Variants in CPEB2 observed in about 807,000 individuals in gnomAD.
CPEB2 encodes the protein cytoplasmic polyadenylation element binding protein 2, also known as cytoplasmic polyadenylation element-binding protein 2.
CPEB2 carries 56 observed loss-of-function variants against 93.6 expected under a neutral mutation model. The observed-to-expected ratio is 0.60, with a 90% CI of 0.48 to 0.75. The LOEUF (loss-of-function observed/expected upper bound fraction) is 0.75. CPEB2 is among the 30% of genes least tolerant of loss of function. CPEB2 has a pLI of 0.00. For synonymous variants in CPEB2, 764 were observed against 586.3 expected, an observed-to-expected ratio of 1.30 and a Z score of -4.38; for missense variants, 1,579 against 1,395.1, an observed-to-expected ratio of 1.13 and a Z score of -2.10.
At chr4:15,005,851 C>T (rs1013012316) in intron 1 of CPEB2, among the ~76,000 whole-genome samples, 1 of 152,112 alleles carries the variant, frequency 6.6e-6, no homozygotes, top group Non-Finnish European at 1.5e-5. Flanking sequence ...TTTTATAACC[C>T]TCAGCAACTG....
At chr4:15,032,852 G>C (rs75055096) in intron 4 of CPEB2, among the ~76,000 whole-genome samples, 7,964 of 152,052 alleles carry the variant, frequency 0.052, 235 homozygotes, top group Non-Finnish European at 0.07. Context: ...TGCAAGACTA[G>C]GATATGATAG....
chr4:15,004,682 G>A (rs1245512914), intron 1 of CPEB2, among the ~76,000 whole-genome samples: 1 of 151,784 alleles, frequency 6.6e-6, no homozygotes, highest in Non-Finnish European at 1.5e-5. Flanking sequence ...GGCCGGGCGC[G>A]GCGTCTCAAC....
chr4:15,039,466 C>A (rs1055720468), intron 5 of CPEB2, among the ~76,000 whole-genome samples: 5 of 151,942 alleles, frequency 3.3e-5, no homozygotes, highest in African/African-American at 4.8e-5. Context: ...TGAATTTTTT[C>A]CAGGCCTAAA....
intron 4 of CPEB2, 141 bp downstream of exon 4, chr4:15,017,419 G>A (rs1560222228): frequency 2.1e-6 from 1 of 467,518 alleles, no homozygotes; most frequent in African/African-American, 2.0e-5. Flanking sequence ...GAGAATCTTT[G>A]TTTTTATGAA....
At chr4:15,054,075 T>G in intron 7 of CPEB2, 53 bp from the exon 8 acceptor site, 5 of 1,242,610 alleles carry the variant, frequency 4.0e-6, no homozygotes, top group Non-Finnish European at 5.8e-6. Context: ...CAGAATTTCT[T>G]AGAACGAATC....
chr4:15,044,364 T>G (rs1727462228), intron 6 of CPEB2, among the ~76,000 whole-genome samples: 2 of 152,284 alleles, frequency 1.3e-5, no homozygotes, highest in South Asian at 2.1e-4. Context: ...AGAAAAAAAT[T>G]TGCTGACCTC....
chr4:15,004,185 C>T lies in CPEB2; in HGVS notation c.1512C>T (p.Ala504=), dbSNP rs1722453133. ...CTGTGCCCCCTCCGCCGCCGCCCGCCATGAATATACCTCAACAGCAGCCCC... is the reference window on the plus strand; with the variant it reads ...CTGTGCCCCCTCCGCCGCCGCCCGCTATGAATATACCTCAACAGCAGCCCC... ...ATAVPPPPPP[A]MNIPQQQPPP... is the part of the protein sequence containing the mutation. The change falls in exon 1 of 12, where the codon GCC becomes GCT. Residue 504 remains alanine, a synonymous_variant. Transcript: ENST00000538197. The T allele has an allele frequency of 1.4e-6, 2 of 1,472,714 alleles. No homozygotes were observed. The highest frequency in any genetic ancestry group is 8.9e-7 in the Non-Finnish European group (1 of 1,119,812). The allele number at this position is 1,472,714 out of a possible 1,614,324, so 91.2% of individuals were successfully genotyped here.
chr4:15,043,904 C>T (rs894551336), intron 6 of CPEB2, among the ~76,000 whole-genome samples: 1 of 152,066 alleles, frequency 6.6e-6, no homozygotes, highest in East Asian at 1.9e-4. Flanking sequence ...AGTGTATAGT[C>T]ATTCAGACTT....
At chr4:15,022,302 C>T (rs1724902092) in intron 4 of CPEB2, among the ~76,000 whole-genome samples, 1 of 152,132 alleles carries the variant, frequency 6.6e-6, no homozygotes, top group African/African-American at 2.4e-5. Context: ...CAATAATATA[C>T]ATGCCAAAGC....
chr4:15,025,801 T>C (rs1026803745), intron 4 of CPEB2, among the ~76,000 whole-genome samples: 1 of 2,260 alleles, frequency 4.4e-4, no homozygotes, highest in African/African-American at 4.8e-4. Context: ...GCATTCCCCA[T>C]GTATACACGG....
chr4:15,003,462 G>A lies in CPEB2; in HGVS notation c.789G>A (p.Gln263=), dbSNP rs550632195. The change falls in exon 1 of 12, where the codon CAG becomes CAA. Residue 263 remains glutamine, a synonymous_variant. Coordinates refer to ENST00000538197, the MANE Select transcript of CPEB2 (RefSeq NM_001177382.2). ...QRPADLPPLP[Q]LPPSPPAAPR... ...CGGCAGACCTGCCCCCGCTCCCGCA[G>A]CTCCCTCCCTCGCCGCCTGCAGCCC... 41 of 1,384,170 alleles carry A rather than the reference G, an allele frequency of 3.0e-5. No individual in the cohort carries two copies. In the African/African-American group the frequency reaches 6.2e-4, roughly 21 times the overall value. The allele number at this position is 1,384,170 out of a possible 1,614,324, so 85.7% of individuals were successfully genotyped here.
In CPEB2 at chr4:15,003,252, G is replaced by C; in HGVS notation, c.579G>C (p.Ser193=). ...CCCACCTTCCCCACCCTCCGGACTCGAAGCCGCCGCCGCCGCCTCCGCCGC... is the reference window on the plus strand; with the variant it reads ...CCCACCTTCCCCACCCTCCGGACTCCAAGCCGCCGCCGCCGCCTCCGCCGC... The part of the protein sequence containing the change: ...SPPHLPHPPD[S]KPPPPPPPLH... The change falls in exon 1 of 12, where the codon TCG becomes TCC. Residue 193 remains serine, a synonymous_variant. Transcript: ENST00000538197. The C allele has an allele frequency of 6.6e-7, 1 of 1,520,668 alleles. No individual in the cohort carries two copies. The highest frequency in any genetic ancestry group is 8.8e-7 in the Non-Finnish European group (1 of 1,142,272). The allele number at this position is 1,520,668 out of a possible 1,614,324, so 94.2% of individuals were successfully genotyped here. A position where few individuals can be genotyped will look rare whatever the true frequency, so the allele number is the denominator to read the frequency against.
chr4:15,004,024 C>A lies in CPEB2; in HGVS notation c.1351C>A (p.Pro451Thr). ...CCCCGACTCAGAGAACGGCTTCTAC[C>A]CCGGGCTGCCGTCGTCCATGAACCC... The part of the protein sequence containing the change: ...PSPDSENGFY[P>T]GLPSSMNPAF... The change falls in exon 1 of 12, where the codon CCC (proline) becomes ACC (threonine). Residue 451 changes from proline to threonine, a missense_variant. Transcript: ENST00000538197. 6.4e-7 allele frequency: 1 copy of A among 1,562,186 alleles called. No homozygotes were observed. The highest frequency in any genetic ancestry group is 8.6e-7 in the Non-Finnish European group (1 of 1,157,030).
At chr4:15,064,837 T>G (rs999822441) in intron 11 of CPEB2, among the ~76,000 whole-genome samples, 2 of 152,014 alleles carry the variant, frequency 1.3e-5, no homozygotes, top group African/African-American at 4.8e-5. Context: ...AGTTGAGAGA[T>G]AAAAATTAAG....
intron 8 of CPEB2, among the ~76,000 whole-genome samples, chr4:15,057,694 G>A (rs555554962): frequency 6.6e-6 from 1 of 152,258 alleles, no homozygotes; most frequent in East Asian, 1.9e-4. Flanking sequence ...TTGTTTACAA[G>A]TCTAGATAGT....
At chr4:15,064,592 A>AT (rs1729513351) in intron 11 of CPEB2, among the ~76,000 whole-genome samples, 1 of 151,976 alleles carries the variant, frequency 6.6e-6, no homozygotes, top group Non-Finnish European at 1.5e-5. Context: ...AAAAAAAGAA[A>AT]TAACCATGAG....
intron 3 of CPEB2, among the ~76,000 whole-genome samples, chr4:15,016,689 A>G (rs978946673): frequency 1.4e-4 from 22 of 151,994 alleles, no homozygotes; most frequent in Admixed American, 1.4e-3. Flanking sequence ...TAAGATGTTT[A>G]TGCACTCATT....
intron 3 of CPEB2, among the ~76,000 whole-genome samples, chr4:15,011,355 C>T (rs939354671): frequency 2.2e-4 from 34 of 152,226 alleles, no homozygotes; most frequent in African/African-American, 7.9e-4. Flanking sequence ...CCCGCCTCGG[C>T]CTCCAGAGTG....
At chr4:15,019,835 T>TA (rs1252215350) in intron 4 of CPEB2, among the ~76,000 whole-genome samples, 1 of 152,068 alleles carries the variant, frequency 6.6e-6, no homozygotes, top group African/African-American at 2.4e-5. Context: ...TATCTCTCTA[T>TA]AATTATCCCA....
Sources: gnomAD v4.1 joint callset for allele counts (sites outside exome capture counted in the v4.1 genomes callset) on GRCh38, gnomAD v4.1.1 for gene constraint, MANE v1.5 for transcripts, NCBI Gene and HGNC (gene_info 2026-07-23, HGNC 2026-07-21) for gene names.